The following PTPRM variants were observed in gnomAD, a reference collection of about 807,000 sequenced individuals.
PTPRM encodes receptor-type tyrosine-protein phosphatase mu.
Under a neutral mutation model 186.7 loss-of-function variants are expected in PTPRM, and 47 were observed. The ratio of observed to expected loss-of-function variants is 0.25; its 90% confidence interval spans 0.20 to 0.32. The LOEUF is 0.32. Among genes scored for constraint, PTPRM ranks in the 10% least tolerant of loss-of-function variants. The pLI is 1.00. For missense variants in PTPRM, 1,494 were observed against 1,865.0 expected (o/e 0.80, Z 3.66); for synonymous variants, 668 against 674.9 (o/e 0.99, Z 0.16).
intron 19 of PTPRM, among the ~76,000 whole-genome samples, chr18:8,277,295 T>C (rs1472038662): frequency 6.6e-6 from 1 of 152,230 alleles, no homozygotes; most frequent in Non-Finnish European, 1.5e-5. Context: ...TGCAACTATA[T>C]GATGTTGATG....
intron 20 of PTPRM, among the ~76,000 whole-genome samples, chr18:8,303,435 G>A (rs1322404621): frequency 2.0e-5 from 3 of 152,142 alleles, no homozygotes; most frequent in Admixed American, 2.0e-4. Context: ...TTGTTTTATA[G>A]CAGTGTGCTT....
rs754070738 is a variant in PTPRM at position 8,360,362 on chromosome 18, A to C, written c.3055-10528A>C. Among the ~76,000 whole-genome samples the C allele has an allele frequency of 4.0e-5, 6 of 151,582 alleles. No homozygotes were observed. The South Asian group carries it at 1.3e-3, about 32-fold the overall frequency. The stretch of plus-strand genomic sequence containing the variant: ...AGGTTTCTAGCAGTGAGAAGGTGGA[A>C]CGGGTCTGGACACACCTCTGCCGTG... On this transcript the variant is annotated intron_variant, in intron 23 of 32. Coordinates refer to ENST00000580170, the MANE Select transcript of PTPRM (RefSeq NM_001105244.2).
intron 19 of PTPRM, among the ~76,000 whole-genome samples, chr18:8,293,646 A>G (rs183226456): frequency 8.1e-4 from 123 of 152,350 alleles, no homozygotes; most frequent in African/African-American, 2.6e-3. Context: ...GTCAAATAGT[A>G]GTTATTACTC....
At chr18:7,606,145 G>A (rs554948131) in intron 1 of PTPRM, among the ~76,000 whole-genome samples, 3 of 152,064 alleles carry the variant, frequency 2.0e-5, no homozygotes, top group Admixed American at 6.6e-5. Context: ...AAAGTCCTGC[G>A]GATCTAGTGG....
At chr18:7,900,659 A>C (rs544169137) in intron 3 of PTPRM, among the ~76,000 whole-genome samples, 8 of 152,348 alleles carry the variant, frequency 5.3e-5, no homozygotes, top group African/African-American at 1.9e-4. Context: ...ACTTGGAAGC[A>C]AAATAGATCT....
At chr18:7,717,373 A>G (rs545121261) in intron 1 of PTPRM, among the ~76,000 whole-genome samples, 1 of 152,230 alleles carries the variant, frequency 6.6e-6, no homozygotes, top group East Asian at 1.9e-4. Context: ...GAAGAATCAG[A>G]TCAGAGACGG....
intron 28 of PTPRM, 152 bp downstream of exon 28, chr18:8,379,492 G>A (rs536032891): frequency 1.2e-4 from 106 of 873,910 alleles, no homozygotes; most frequent in Middle Eastern, 3.7e-4. Context: ...CAGATTCCAC[G>A]TATGTTTTTG....
chr18:8,005,993 G>A (rs1286359565), intron 7 of PTPRM, among the ~76,000 whole-genome samples: 2 of 150,046 alleles, frequency 1.3e-5, no homozygotes, highest in African/African-American at 5.0e-5. Flanking sequence ...AATTTATTTG[G>A]CATTACAGTG....
intron 14 of PTPRM, among the ~76,000 whole-genome samples, chr18:8,185,713 G>C (rs2093633487): frequency 6.6e-6 from 1 of 152,196 alleles, no homozygotes; most frequent in Non-Finnish European, 1.5e-5. Context: ...TGTTCCTTTT[G>C]TGAAAAGTTT....
At chr18:7,787,277 G>A (rs1471844886) in intron 2 of PTPRM, among the ~76,000 whole-genome samples, 3 of 152,194 alleles carry the variant, frequency 2.0e-5, no homozygotes, top group African/African-American at 7.2e-5. Context: ...CCCATGAAGA[G>A]TCAGGAGGAT....
At chr18:7,765,930 G>C (rs1343022313) in intron 1 of PTPRM, among the ~76,000 whole-genome samples, 1 of 152,186 alleles carries the variant, frequency 6.6e-6, no homozygotes, top group African/African-American at 2.4e-5. Flanking sequence ...ATGTTTGCTA[G>C]TGTATGTAAG....
chr18:7,699,300 A>G (rs575604002), intron 1 of PTPRM, among the ~76,000 whole-genome samples: 24 of 152,354 alleles, frequency 1.6e-4, no homozygotes, highest in African/African-American at 5.5e-4. Flanking sequence ...TGTTCTGGAA[A>G]TAAGTCCTTT....
At chr18:7,866,173 G>T (rs533408482) in intron 2 of PTPRM, among the ~76,000 whole-genome samples, 2 of 151,860 alleles carry the variant, frequency 1.3e-5, no homozygotes, top group South Asian at 2.1e-4. Context: ...GTTTTTTCTT[G>T]TCTCTTGTCT....
At chr18:7,989,512 G>A (rs560795970) in intron 7 of PTPRM, among the ~76,000 whole-genome samples, 29 of 152,096 alleles carry the variant, frequency 1.9e-4, no homozygotes, top group Non-Finnish European at 3.5e-4. Context: ...CTTATAATAA[G>A]AAGCACTTCT....
At chr18:7,590,481 G>A (rs1020913519) in intron 1 of PTPRM, among the ~76,000 whole-genome samples, 4 of 152,136 alleles carry the variant, frequency 2.6e-5, no homozygotes, top group African/African-American at 9.7e-5. Flanking sequence ...TATGATAAAT[G>A]TCTCCTGAGG....
intron 19 of PTPRM, among the ~76,000 whole-genome samples, chr18:8,266,676 G>A (rs2094704794): frequency 6.6e-6 from 1 of 152,164 alleles, no homozygotes; most frequent in South Asian, 2.1e-4. Flanking sequence ...TTGGGAGGCT[G>A]AGGTGGGCAG....
At chr18:7,685,698 A>T (rs2039585894) in intron 1 of PTPRM, among the ~76,000 whole-genome samples, 1 of 152,032 alleles carries the variant, frequency 6.6e-6, no homozygotes, top group African/African-American at 2.4e-5. Flanking sequence ...CATTAGAAGT[A>T]GTTTTCCTAA....
chr18:8,174,099 AAT>A (rs1480593670), intron 14 of PTPRM, among the ~76,000 whole-genome samples: 1 of 152,086 alleles, frequency 6.6e-6, no homozygotes, highest in Non-Finnish European at 1.5e-5. Flanking sequence ...TAGATTTTAC[AAT>A]AGTGGTGTTA....
intron 2 of PTPRM, among the ~76,000 whole-genome samples, chr18:7,821,748 T>C (rs1400465944): frequency 1.3e-5 from 2 of 152,164 alleles, no homozygotes; most frequent in East Asian, 1.9e-4. Flanking sequence ...ACCCCAACAG[T>C]TGGCCTCATA....
Sources: allele counts gnomAD v4.1 joint callset (sites outside exome capture counted in the v4.1 genomes callset), GRCh38; gene constraint gnomAD v4.1.1; transcripts MANE v1.5; gene names NCBI Gene and HGNC (gene_info 2026-07-23, HGNC 2026-07-21).